The following NRK variants were observed in gnomAD, a reference collection of about 807,000 sequenced individuals.
NRK encodes the protein nik-related protein kinase.
A neutral mutation model predicts 125.2 loss-of-function variants in NRK; 67 were observed. The ratio of observed to expected loss-of-function variants is 0.54; its 90% CI spans 0.44 to 0.66. The LOEUF is 0.66. Ranked by LOEUF, NRK falls within the 30% of genes least tolerant of loss-of-function variation. The pLI is 0.00. For synonymous variants in NRK, 458 were observed against 429.0 expected, an observed-to-expected ratio of 1.07 and a Z score of -0.84; for missense variants, 1,224 against 1,192.9, an observed-to-expected ratio of 1.03 and a Z score of -0.38.
intron 2 of NRK, among the ~76,000 whole-genome samples, chrX:105,854,951 G>A (rs779128649): frequency 1.8e-5 from 2 of 112,102 alleles, no homozygotes; most frequent in African/African-American, 6.5e-5. Context: ...ACAGGACATA[G>A]TGCCTGGTAC....
rs770429889 is a variant in NRK, at chrX:105,912,760, A to T, written c.2349+5A>T. 5.6e-6 allele frequency: 5 copies of T among 900,239 alleles called. No individual in the cohort carries two copies. Among genetic ancestry groups the T allele is most frequent in the Non-Finnish European group, 6.2e-6 (4 of 644,870 alleles). The allele number at this position is 900,239 out of a possible 1,213,427, so 74.2% of individuals were successfully genotyped here. A position where few individuals can be genotyped will look rare whatever the true frequency, so the allele number is the denominator to read the frequency against. On this transcript the variant is annotated splice_donor_5th_base_variant and intron_variant, in intron 14 of 28. Coordinates refer to ENST00000243300, the MANE Select transcript of NRK (RefSeq NM_198465.4). ...TCAAATCCTAAAAAAATTGAGGTAAATTTTTCAATATGAGTTGTTGTGACA... is the reference window on the plus strand; with the variant it reads ...TCAAATCCTAAAAAAATTGAGGTAATTTTTTCAATATGAGTTGTTGTGACA...
chrX:105,857,746 G>T, intron 2 of NRK, among the ~76,000 whole-genome samples: 1 of 111,742 alleles, frequency 8.9e-6, no homozygotes, highest in Non-Finnish European at 1.9e-5. Flanking sequence ...CCAGGCATTT[G>T]CAGACACGTG....
rs963894840 is a variant in NRK, at chrX:105,937,463, G to A, written c.3680G>A (p.Arg1227Gln). The change falls in exon 22 of 29, where the codon CGA becomes CAA. Residue 1227 changes from arginine to glutamine, a missense_variant. Transcript: ENST00000243300. Reference protein sequence around the residue: ...LWGVNLLLGTRSNLYLMDRSG... With the variant: ...LWGVNLLLGTQSNLYLMDRSG... ...GGAGTCAATTTGCTGTTGGGAACCC[G>A]ATCTAATCTATATCTGATGGACAGA... 4 of 1,186,920 alleles carry A rather than the reference G, an allele frequency of 3.4e-6. No individual in the cohort carries two copies. The highest frequency in any genetic ancestry group is 2.2e-5 in the Admixed American group (1 of 44,687).
At chrX:105,930,878 G>A (rs764359704) in intron 19 of NRK, among the ~76,000 whole-genome samples, 17 of 111,708 alleles carry the variant, frequency 1.5e-4, no homozygotes, top group South Asian at 3.8e-4. Flanking sequence ...GCAAAAGTTT[G>A]TGGCAGAGGT....
At chrX:105,870,306 T>C (rs2039728222) in intron 2 of NRK, among the ~76,000 whole-genome samples, 1 of 111,589 alleles carries the variant, frequency 9.0e-6, no homozygotes, top group South Asian at 3.7e-4. Flanking sequence ...TTTGAAATAG[T>C]GTGGGCCCTA....
At chrX:105,921,271 A>C (rs991716380) in intron 16 of NRK, among the ~76,000 whole-genome samples, 4 of 103,061 alleles carry the variant, frequency 3.9e-5, no homozygotes, top group Non-Finnish European at 7.9e-5. Flanking sequence ...CATAGGTGGG[A>C]ATTGAACAAT....
chrX:105,946,451 C>T lies in NRK; in HGVS notation c.4340C>T (p.Thr1447Ile), dbSNP rs1368913754. The T allele has an allele frequency of 1.7e-6, 2 of 1,184,012 alleles. No homozygotes were observed. Among genetic ancestry groups the T allele is most frequent in the African/African-American group, 3.5e-5 (2 of 56,488 alleles). The change falls in exon 26 of 29, where the codon ACC becomes ATC. Residue 1447 changes from threonine to isoleucine, a missense_variant. Thr to Ile is a moderately conservative substitution (Grantham distance 89). Transcript: ENST00000243300. ...GAATCTGAGGTTATGTCTGATGTGA[C>T]CCTGCCAAAGAATGTAAGATAACAC... ...DAESEVMSDV[T>I]LPKNPLEIII...
intron 26 of NRK, among the ~76,000 whole-genome samples, chrX:105,947,187 T>TCATAAA: frequency 5.2e-5 from 3 of 57,665 alleles, no homozygotes; most frequent in African/African-American, 3.6e-4. Context: ...AACACGCCTG[T>TCATAAA]AATCCCAGCA....
intron 2 of NRK, among the ~76,000 whole-genome samples, chrX:105,877,984 C>G (rs945281225): frequency 9.0e-6 from 1 of 110,659 alleles, no homozygotes; most frequent in African/African-American, 3.3e-5. Flanking sequence ...TAATGTATGG[C>G]TAATATTTTT....
intron 19 of NRK, among the ~76,000 whole-genome samples, chrX:105,931,562 G>A (rs73533186): frequency 0.11 from 12,622 of 110,178 alleles, 1,806 homozygotes; most frequent in African/African-American, 0.4. Context: ...AATTTATTCC[G>A]GGCTCTGAGC....
In NRK at chrX:105,940,063, TATA is replaced by T. The variant is rs771916252; in HGVS notation, c.3958+33_3958+35del. On this transcript the variant is annotated intron_variant, in intron 23 of 28. Transcript: ENST00000243300. ...CCACATTTCATGTTTACTACAGCTA[TATA>T]AATTTTGCATCCTTTCATTTGGTGA... is the stretch of plus-strand genomic sequence containing the variant. 4.5e-5 allele frequency: 47 copies of T among 1,053,503 alleles called. No individual in the cohort carries two copies. In the Admixed American group the frequency reaches 1.3e-3, roughly 29 times the overall value. 86.8% of individuals were successfully genotyped at this position (1,053,503 alleles called of 1,213,427 possible). A position where few individuals can be genotyped will look rare whatever the true frequency, so the allele number is the denominator to read the frequency against.
At chrX:105,869,209 G>A (rs1180768098) in intron 2 of NRK, among the ~76,000 whole-genome samples, 2 of 111,381 alleles carry the variant, frequency 1.8e-5, no homozygotes, top group African/African-American at 6.5e-5. Flanking sequence ...CAGTCTACAT[G>A]TAAAAGTAGT....
intron 13 of NRK, 30 bp downstream of exon 13, chrX:105,909,912 T>G (rs1008646784): frequency 1.4e-4 from 148 of 1,078,207 alleles, no homozygotes; most frequent in Non-Finnish European, 1.7e-4. Context: ...TTACTCTGAG[T>G]CAAAAATGAA....
In NRK at chrX:105,935,309, C is replaced by T; in HGVS notation, c.3639C>T (p.Cys1213=). 8.4e-7 allele frequency: 1 copy of T among 1,192,708 alleles called. No homozygotes were observed. ...MYEKEFTSEI[C]CGSLWGVNLL... is the part of the protein sequence containing the mutation. Reference sequence around the variant, plus strand: ...AAAAGGAGTTCACTTCTGAGATCTGCTGTGGTTCTTTGTGGGGTGAGTTTG... The same window carrying T: ...AAAAGGAGTTCACTTCTGAGATCTGTTGTGGTTCTTTGTGGGGTGAGTTTG... The change falls in exon 21 of 29, where the codon TGC becomes TGT. Residue 1213 remains cysteine, a synonymous_variant. Coordinates refer to ENST00000243300, the MANE Select transcript of NRK (RefSeq NM_198465.4).
chrX:105,933,841 A>T (rs768987652), intron 19 of NRK, among the ~76,000 whole-genome samples: 1 of 111,798 alleles, frequency 8.9e-6, no homozygotes, highest in East Asian at 2.8e-4. Flanking sequence ...TCCCCTACTT[A>T]CTAGTACTAT....
intron 11 of NRK, 33 bp downstream of exon 11, chrX:105,906,622 G>A: frequency 1.3e-6 from 1 of 750,730 alleles, no homozygotes; most frequent in Non-Finnish European, 1.9e-6. Context: ...TTACTGAAAT[G>A]AATATTCAGA....
chrX:105,907,412 G>A (rs923758276), intron 11 of NRK: 3 of 111,637 alleles, frequency 2.7e-5, no homozygotes, highest in African/African-American at 9.8e-5. Context: ...GAAAAAGCAG[G>A]CATCCTCAGA....
At chrX:105,867,073 C>T (rs1039821605) in intron 2 of NRK, among the ~76,000 whole-genome samples, 2 of 111,054 alleles carry the variant, frequency 1.8e-5, no homozygotes, top group African/African-American at 6.5e-5. Flanking sequence ...TATTCTTGCT[C>T]AATCAATATA....
Position 105,909,203 on chromosome X carries a change from A to C in NRK, c.1562A>C (p.Gln521Pro). The C allele has an allele frequency of 8.3e-7, 1 of 1,210,111 alleles. No individual in the cohort carries two copies. Among genetic ancestry groups the C allele is most frequent in the Non-Finnish European group, 1.1e-6 (1 of 894,572 alleles). Residue 521 changes from glutamine to proline, a missense_variant, in exon 13 of 29, where the codon CAG becomes CCG. By Grantham distance (76) the Gln-to-Pro change is moderately conservative. Transcript: ENST00000243300. ...TTGGACCAGGTACCAGAGGAATTTC[A>C]GGGTCAAGATCAGGTACCCGAACAA... is the stretch of plus-strand genomic sequence containing the variant. ...QDLDQVPEEF[Q>P]GQDQVPEQQR...
Sources: allele counts gnomAD v4.1 joint callset (sites outside exome capture counted in the v4.1 genomes callset), GRCh38; gene constraint gnomAD v4.1.1; transcripts MANE v1.5; gene names NCBI Gene and HGNC (gene_info 2026-07-23, HGNC 2026-07-21).